TGFBRAP1: variants seen among roughly 807,000 people sequenced by gnomAD.
TGFBRAP1 encodes transforming growth factor beta receptor associated protein 1.
In TGFBRAP1, 20 loss-of-function variants were observed where a neutral mutation model predicts 83.2. The ratio of observed to expected loss-of-function variants is 0.24; its 90% confidence interval spans 0.17 to 0.35. TGFBRAP1 has a LOEUF of 0.35. Ranked by LOEUF, TGFBRAP1 falls within the 10% of genes least tolerant of loss-of-function variation. The pLI is 1.00. For synonymous variants in TGFBRAP1, 415 were observed against 459.8 expected, an observed-to-expected ratio of 0.90 and a Z score of 1.25; for missense variants, 950 against 1,099.4, an observed-to-expected ratio of 0.86 and a Z score of 1.92.
At position 105,308,292 on chromosome 2, in the gene TGFBRAP1, T is replaced by A. The variant is rs1181283863; in HGVS notation, c.10A>T (p.Ile4Phe). The A allele has an allele frequency of 6.2e-7, 1 of 1,608,186 alleles. No individual in the cohort carries two copies. Among genetic ancestry groups the A allele is most frequent in the Non-Finnish European group, 8.5e-7 (1 of 1,175,058 alleles). The change falls in exon 2 of 12, where the codon ATC (isoleucine) becomes TTC (phenylalanine). Residue 4 changes from isoleucine (I) to phenylalanine (F), a missense_variant. Ile to Phe is a conservative substitution (Grantham distance 21). Coordinates refer to ENST00000393359, the MANE Select transcript of TGFBRAP1 (RefSeq NM_004257.6). MMS[I>F]KAFTLVSAVE... ...GCAGAGACAAGCGTAAAGGCTTTGA[T>A]GCTCATCATGTCTACTGGCTGATCT...
intron 4 of TGFBRAP1, among the ~76,000 whole-genome samples, chr2:105,291,641 C>G (rs1356191176): frequency 6.6e-6 from 1 of 152,122 alleles, no homozygotes; most frequent in African/African-American, 2.4e-5. Context: ...AGCCTGAGGA[C>G]ATTATGCTAA....
chr2:105,260,366 G>C (rs1014469442), downstream of TGFBRAP1, among the ~76,000 whole-genome samples: 2 of 152,204 alleles, frequency 1.3e-5, no homozygotes, highest in African/African-American at 4.8e-5. Flanking sequence ...CTGAGATCTT[G>C]CCACTGCACT....
intron 4 of TGFBRAP1, among the ~76,000 whole-genome samples, chr2:105,291,054 G>A (rs1677895577): frequency 6.6e-6 from 1 of 152,094 alleles, no homozygotes; most frequent in South Asian, 2.1e-4. Context: ...ATCTGGGAAG[G>A]TGGTGGCTGT....
chr2:105,259,005 T>G, the TGFBRAP1 span, among the ~76,000 whole-genome samples: 1 of 152,182 alleles, frequency 6.6e-6, no homozygotes, highest in Non-Finnish European at 1.5e-5. Context: ...ATGTTTCCAA[T>G]GTTGAGTTGC....
chr2:105,261,283 C>A (rs939872086), downstream of TGFBRAP1, among the ~76,000 whole-genome samples: 4 of 152,130 alleles, frequency 2.6e-5, no homozygotes, highest in African/African-American at 4.8e-5. Context: ...CAGCTCAAAG[C>A]ACGTAGCGTC....
At chr2:105,258,517 C>T in the TGFBRAP1 span, among the ~76,000 whole-genome samples, 2 of 151,518 alleles carry the variant, frequency 1.3e-5, no homozygotes, top group Non-Finnish European at 2.9e-5. Flanking sequence ...TGGGATATCT[C>T]CTCTCATCTT....
At chr2:105,256,403 G>T in the TGFBRAP1 span, among the ~76,000 whole-genome samples, 1 of 151,950 alleles carries the variant, frequency 6.6e-6, no homozygotes, top group Non-Finnish European at 1.5e-5. Context: ...TCTGCCTGGG[G>T]CACTTTTCCC....
In TGFBRAP1 at chr2:105,278,433, G is replaced by C. The variant is rs1448148091; in HGVS notation, c.1464-762C>G. Among the ~76,000 whole-genome samples the C allele has an allele frequency of 2.0e-5, 3 of 152,208 alleles. No homozygotes were observed. The East Asian group carries it at 5.8e-4, about 29-fold the overall frequency. The stretch of plus-strand genomic sequence containing the variant: ...ACATGAGGAACAGCAGGAAGTGCTA[G>C]TGTCCGGGACTCGCAGACCACAGAG... On this transcript the variant is annotated intron_variant, in intron 6 of 11. Coordinates refer to ENST00000393359, the MANE Select transcript of TGFBRAP1 (RefSeq NM_004257.6).
chr2:105,325,390 G>T (rs1331726368), intron 1 of TGFBRAP1, among the ~76,000 whole-genome samples: 1 of 152,194 alleles, frequency 6.6e-6, no homozygotes, highest in Admixed American at 6.5e-5. Flanking sequence ...GAGATACAGA[G>T]ATCTTAGGTG....
At chr2:105,250,615 CTCTCCCTCTCCCTCT>C in the TGFBRAP1 span, among the ~76,000 whole-genome samples, 1 of 134,852 alleles carries the variant, frequency 7.4e-6, no homozygotes, top group Admixed American at 7.4e-5. Flanking sequence ...CCTCTCCCTC[CTCTCCCTCTCCCTCT>C]CCCTCTCCCC....
intron 6 of TGFBRAP1, among the ~76,000 whole-genome samples, chr2:105,278,086 G>C: frequency 9.2e-6 from 1 of 108,354 alleles, no homozygotes; most frequent in East Asian, 2.6e-4. Flanking sequence ...GTGTGTGTGT[G>C]TGTGTGTGTG....
chr2:105,323,371 G>A (rs1394883559), intron 1 of TGFBRAP1, among the ~76,000 whole-genome samples: 4 of 152,244 alleles, frequency 2.6e-5, no homozygotes, highest in Admixed American at 6.5e-5. Context: ...CTATCTCTGC[G>A]ACCCCTTGGG....
chr2:105,307,506 A>G (rs764325473), intron 2 of TGFBRAP1, 108 bp downstream of exon 2: 15 of 1,208,112 alleles, frequency 1.2e-5, no homozygotes, highest in Non-Finnish European at 1.6e-5. Flanking sequence ...CACACGCCCA[A>G]TGTCACTGAG....
Position 105,272,973 on chromosome 2 carries a change from T to G in TGFBRAP1, c.1854A>C (p.Glu618Asp). The G allele has an allele frequency of 6.2e-7, 1 of 1,613,720 alleles. No homozygotes were observed. The highest frequency in any genetic ancestry group is 1.1e-5 in the South Asian group (1 of 91,074). The part of the protein sequence containing the change: ...YHTHLAVLYL[E>D]EVLLQRASAS... ...CGGAGGCCCTCTGCAGCAGCACCTC[T>G]TCCAGGTACAGCACAGCTAAGTGGG... Residue 618 changes from glutamate to aspartate, a missense_variant, in exon 10 of 12, where the codon GAA becomes GAC. Coordinates refer to ENST00000393359, the MANE Select transcript of TGFBRAP1 (RefSeq NM_004257.6).
chr2:105,285,180 C>G (rs980153976), intron 4 of TGFBRAP1, among the ~76,000 whole-genome samples: 2 of 152,230 alleles, frequency 1.3e-5, no homozygotes, highest in Non-Finnish European at 2.9e-5. Flanking sequence ...CTAATCGCCT[C>G]ATGAGTAAAG....
chr2:105,275,076 C>G (rs983625911), intron 8 of TGFBRAP1, among the ~76,000 whole-genome samples: 1 of 152,154 alleles, frequency 6.6e-6, no homozygotes, highest in Non-Finnish European at 1.5e-5. Context: ...TGGCTCCCCT[C>G]CCTCCTCCAG....
At chr2:105,275,840 C>A in intron 7 of TGFBRAP1, 137 bp from the exon 8 acceptor site, 1 of 835,786 alleles carries the variant, frequency 1.2e-6, no homozygotes, top group Non-Finnish European at 1.7e-6. Flanking sequence ...GTTGGAAAAA[C>A]TGTAAATGCT....
intron 2 of TGFBRAP1, among the ~76,000 whole-genome samples, chr2:105,299,443 C>T (rs1678208121): frequency 6.6e-6 from 1 of 152,098 alleles, no homozygotes; most frequent in African/African-American, 2.4e-5. Flanking sequence ...GTAACATGCT[C>T]TAGACAGCAC....
At chr2:105,321,630 C>T (rs571337643) in intron 1 of TGFBRAP1, among the ~76,000 whole-genome samples, 1 of 152,294 alleles carries the variant, frequency 6.6e-6, no homozygotes, top group East Asian at 1.9e-4. Flanking sequence ...CAGGGGAAAA[C>T]TGAACACAGT....
Sources: gnomAD v4.1 joint callset for allele counts (sites outside exome capture counted in the v4.1 genomes callset) on GRCh38, gnomAD v4.1.1 for gene constraint, MANE v1.5 for transcripts, NCBI Gene and HGNC (gene_info 2026-07-23, HGNC 2026-07-21) for gene names.